The following ANP32E variants were observed in gnomAD, a reference collection of about 807,000 sequenced individuals.
ANP32E encodes the protein acidic leucine-rich nuclear phosphoprotein 32 family member E.
In ANP32E, 14 loss-of-function variants were observed where a neutral mutation model predicts 35.3. The ratio of observed to expected loss-of-function variants is 0.40; its 90% CI spans 0.26 to 0.62. The LOEUF (loss-of-function observed/expected upper bound fraction) is 0.62. Among genes scored for constraint, ANP32E ranks in the 20% least tolerant of loss-of-function variants. ANP32E has a pLI of 0.45. For missense variants in ANP32E, 198 were observed against 304.4 expected (o/e 0.65, Z 2.60); for synonymous variants, 89 against 110.4 (o/e 0.81, Z 1.22).
At chr1:150,226,289 G>T (rs1304968850) in intron 5 of ANP32E, among the ~76,000 whole-genome samples, 1 of 152,158 alleles carries the variant, frequency 6.6e-6, no homozygotes, top group Non-Finnish European at 1.5e-5. Flanking sequence ...TTACAGGTGT[G>T]AGCCACCATG....
At chr1:150,228,697 TA>T (rs782529457) in intron 4 of ANP32E, among the ~76,000 whole-genome samples, 14 of 142,682 alleles carry the variant, frequency 9.8e-5, no homozygotes, top group Admixed American at 2.8e-4. Flanking sequence ...CCTCTCAACA[TA>T]AAAAAAAAAA....
chr1:150,223,737 C>T (rs1648634725), intron 5 of ANP32E, among the ~76,000 whole-genome samples: 1 of 145,168 alleles, frequency 6.9e-6, no homozygotes, highest in African/African-American at 2.5e-5. Flanking sequence ...TTTCTCTTTC[C>T]TTTTTATTTA....
At chr1:150,231,319 G>A (rs1572028433) in intron 2 of ANP32E, among the ~76,000 whole-genome samples, 1 of 152,112 alleles carries the variant, frequency 6.6e-6, no homozygotes, top group African/African-American at 2.4e-5. Context: ...TCTAGACCGG[G>A]CACAGAGGCT....
At chr1:150,226,854 T>C (rs781190514) in intron 4 of ANP32E, 59 bp from the exon 5 acceptor site, 193 of 1,538,754 alleles carry the variant, frequency 1.3e-4, no homozygotes, top group Non-Finnish European at 1.6e-4. Context: ...TCCTAGGATG[T>C]TGATGCTTTT....
chr1:150,236,020 G>GCACA lies in ANP32E; in HGVS notation c.-238_-235dup. ...CCTCCTTGTCCACACACTAGCGCGCGCACACACACGCACGCACGCGCGCAC... is the reference window on the plus strand; with the variant it reads ...CCTCCTTGTCCACACACTAGCGCGCGCACACACACACACGCACGCACGCGCGCAC... On this transcript the variant is annotated 5_prime_UTR_variant, in exon 1 of 7. It introduces an in-frame stop codon into an upstream open reading frame of the 5' UTR. Transcript: ENST00000583931. The GCACA allele has an allele frequency of 1.8e-6, 1 of 545,506 alleles. No homozygotes were observed. Among genetic ancestry groups the GCACA allele is most frequent in the South Asian group, 2.1e-5 (1 of 48,090 alleles). 33.8% of individuals were successfully genotyped at this position (545,506 alleles called of 1,614,324 possible).
At chr1:150,234,884 C>T (rs1303637036) in intron 1 of ANP32E, among the ~76,000 whole-genome samples, 2 of 152,250 alleles carry the variant, frequency 1.3e-5, no homozygotes, top group African/African-American at 4.8e-5. Context: ...TTTAAGGCGA[C>T]AGCAGTGAGA....
At chr1:150,225,371 C>G (rs1259557205) in intron 5 of ANP32E, among the ~76,000 whole-genome samples, 1 of 151,846 alleles carries the variant, frequency 6.6e-6, no homozygotes, top group African/African-American at 2.4e-5. Context: ...GGAGATGAAG[C>G]TGGAGGAGAA....
chr1:150,228,080 TTA>T (rs139349474), intron 4 of ANP32E, among the ~76,000 whole-genome samples: 8 of 149,180 alleles, frequency 5.4e-5, no homozygotes, highest in African/African-American at 7.3e-5. Context: ...CATATATATA[TTA>T]TATATATATA....
Position 150,231,915 on chromosome 1 carries a change from T to A in ANP32E, c.66A>T (p.Leu22Phe). The A allele has an allele frequency of 6.2e-7, 1 of 1,610,962 alleles. No individual in the cohort carries two copies. Among genetic ancestry groups the A allele is most frequent in the Non-Finnish European group, 8.5e-7 (1 of 1,179,246 alleles). Residue 22 changes from leucine (L) to phenylalanine (F), a missense_variant, in exon 2 of 7, where the codon TTA (leucine) becomes TTT (phenylalanine). Transcript: ENST00000583931. Reference protein sequence around the residue: ...RNRSPEEVTELVLDNCLCVNG... With the variant: ...RNRSPEEVTEFVLDNCLCVNG... ...TGACACACAGGCAATTATCAAGGAC[T>A]AACTCTGTCACCTGTAAGAGGGAAA...
At chr1:150,221,133 A>AAAC (rs1434313434) in intron 6 of ANP32E, among the ~76,000 whole-genome samples, 1 of 150,048 alleles carries the variant, frequency 6.7e-6, no homozygotes, top group Non-Finnish European at 1.5e-5. Context: ...AAAAAAAAAA[A>AAAC]ACGTTAATGG....
intron 5 of ANP32E, among the ~76,000 whole-genome samples, chr1:150,223,845 A>G (rs1648649986): frequency 6.6e-6 from 1 of 151,212 alleles, no homozygotes; most frequent in African/African-American, 2.4e-5. Context: ...TCCCGGGTTC[A>G]AGCGATTCTC....
At position 150,235,322 on chromosome 1, in the gene ANP32E, T is replaced by G. The variant is rs1649685796; in HGVS notation, c.54+411A>C. 6.6e-6 allele frequency among the ~76,000 whole-genome samples: 1 copy of G among 152,194 alleles called. No homozygotes were observed. The highest frequency in any genetic ancestry group is 6.5e-5 in the Admixed American group (1 of 15,288). ...TGAGTTGGCCGCACTGCAGAAAAGTTGGACTAACTTCTCAGGCGCCTATGG... is the reference window on the plus strand; with the variant it reads ...TGAGTTGGCCGCACTGCAGAAAAGTGGGACTAACTTCTCAGGCGCCTATGG... On this transcript the variant is annotated intron_variant, in intron 1 of 6. Transcript: ENST00000583931. The surrounding 1 kb of genome is among the most constrained non-coding windows in gnomAD (Gnocchi z 4.2).
intron 4 of ANP32E, 34 bp from the exon 5 acceptor site, chr1:150,226,829 T>C: frequency 6.4e-7 from 1 of 1,572,480 alleles, no homozygotes; most frequent in Non-Finnish European, 8.6e-7. Context: ...AGTAAATGAC[T>C]GGGTAAATGT....
Position 150,230,586 on chromosome 1 carries a change from A to C in ANP32E, c.312T>G (p.Ser104Arg), listed in dbSNP as rs782663972. 2.5e-6 allele frequency: 4 copies of C among 1,613,536 alleles called. No individual in the cohort carries two copies. The South Asian group carries it at 4.4e-5, about 18-fold the overall frequency. Residue 104 changes from serine (S) to arginine (R), a missense_variant, in exon 3 of 7, where the codon AGT becomes AGG. By Grantham distance (110) the Ser-to-Arg change is moderately radical (BLOSUM62 -1). Around this residue, in one of 4 missense-constraint regions of ANP32E, gnomAD observed 31 missense variants for 62.6 expected, o/e 0.50. Transcript: ENST00000583931. The part of the protein sequence containing the change: ...NLSGNKIKDL[S>R]TVEALQNLKN... ...TTCCACTTACCAGAGCTTCTACTGT[A>C]CTGAGATCTTTTATTTTGTTTCCAC...
At chr1:150,227,647 T>C (rs115172372) in intron 4 of ANP32E, among the ~76,000 whole-genome samples, 2,111 of 151,558 alleles carry the variant, frequency 0.014, 35 homozygotes, top group African/African-American at 0.045. Flanking sequence ...ATGTTCACTA[T>C]TTGGGTGAGA....
In ANP32E at chr1:150,235,893, G is replaced by A; in HGVS notation, c.-107C>T. On this transcript the variant is annotated 5_prime_UTR_variant, in exon 1 of 7. Coordinates refer to ENST00000583931, the MANE Select transcript of ANP32E (RefSeq NM_030920.5). The surrounding 1 kb of genome is among the most constrained non-coding windows in gnomAD (Gnocchi z 4.2). ...GATTTAGAAATGAATGAAAAGGAAC[G>A]CAAATATAAACGCCCACTACCACCA... The A allele has an allele frequency of 1.3e-6, 1 of 780,904 alleles. No homozygotes were observed. Among genetic ancestry groups the A allele is most frequent in the South Asian group, 1.6e-5 (1 of 62,972 alleles). The allele number at this position is 780,904 out of a possible 1,614,324, so 48.4% of individuals were successfully genotyped here. A position where few individuals can be genotyped will look rare whatever the true frequency, so the allele number is the denominator to read the frequency against.
Position 150,220,490 on chromosome 1 carries a change from A to G in ANP32E, c.*201T>C, listed in dbSNP as rs1648252165. On this transcript the variant is annotated 3_prime_UTR_variant, in exon 7 of 7. Transcript: ENST00000583931. ...GGAATTCCACAATGGGAGTCAATGA[A>G]AATTTTTCTCTACATACAATATGAT... 2.0e-6 allele frequency: 1 copy of G among 510,898 alleles called. No homozygotes were observed. Among genetic ancestry groups the G allele is most frequent in the Non-Finnish European group, 3.5e-6 (1 of 286,344 alleles). 31.6% of individuals were successfully genotyped at this position (510,898 alleles called of 1,614,324 possible).
chr1:150,218,784 T>G lies in ANP32E; in HGVS notation c.*1907A>C, dbSNP rs1553836617. Reference sequence around the variant, plus strand: ...AGTCTTAAAAGTTATCTGGAGGCTCTAAGTGTTGTTTTCAAACCAAAGTAC... The same window carrying G: ...AGTCTTAAAAGTTATCTGGAGGCTCGAAGTGTTGTTTTCAAACCAAAGTAC... On this transcript the variant is annotated 3_prime_UTR_variant, in exon 7 of 7. Coordinates refer to ENST00000583931, the MANE Select transcript of ANP32E (RefSeq NM_030920.5). 1 of 152,632 alleles carries G rather than the reference T, an allele frequency of 6.6e-6. No homozygotes were observed. Among genetic ancestry groups the G allele is most frequent in the Non-Finnish European group, 1.5e-5 (1 of 68,028 alleles). 9.5% of individuals were successfully genotyped at this position (152,632 alleles called of 1,614,324 possible).
intron 5 of ANP32E, 37 bp from the exon 6 acceptor site, chr1:150,223,277 T>C (rs1559995909): frequency 1.1e-5 from 16 of 1,519,912 alleles, no homozygotes; most frequent in Non-Finnish European, 1.3e-5. Context: ...GATTGAAAAA[T>C]CCATATGATT....
Sources: allele counts gnomAD v4.1 joint callset (sites outside exome capture counted in the v4.1 genomes callset), GRCh38; gene constraint gnomAD v4.1.1; regional missense constraint gnomAD v4.1.1; non-coding constraint Gnocchi (gnomAD v3.1); transcripts MANE v1.5; gene names NCBI Gene and HGNC (gene_info 2026-07-23, HGNC 2026-07-21).